The following EVA1C variants were observed in gnomAD, a reference collection of about 807,000 sequenced individuals.
EVA1C encodes protein eva-1 homolog C.
EVA1C carries 25 observed loss-of-function variants against 45.4 expected under a neutral mutation model. The observed-to-expected ratio is 0.55, with a 90% CI of 0.40 to 0.77. The LOEUF (loss-of-function observed/expected upper bound fraction) is 0.77. Ranked by LOEUF, EVA1C falls within the 30% of genes least tolerant of loss-of-function variation. EVA1C has a pLI of 0.00. For synonymous variants in EVA1C, 190 were observed against 221.2 expected, an observed-to-expected ratio of 0.86 and a Z score of 1.25; for missense variants, 479 against 554.8, an observed-to-expected ratio of 0.86 and a Z score of 1.37.
chr21:32,507,945 G>A (rs1220022651), intron 7 of EVA1C, among the ~76,000 whole-genome samples: 1 of 104,720 alleles, frequency 9.5e-6, no homozygotes, highest in South Asian at 3.0e-4. Flanking sequence ...ATCTGTATGT[G>A]TGTTTGTGTG....
chr21:32,433,856 T>C, intron 1 of EVA1C, among the ~76,000 whole-genome samples: 1 of 72,994 alleles, frequency 1.4e-5, no homozygotes, highest in Non-Finnish European at 2.4e-5. Context: ...ATAATGGGTG[T>C]CCTTATGGAA....
chr21:32,496,093 C>T (rs574573088), intron 5 of EVA1C, among the ~76,000 whole-genome samples: 2 of 152,316 alleles, frequency 1.3e-5, no homozygotes, highest in African/African-American at 4.8e-5. Flanking sequence ...AGTTTAAGAA[C>T]ATTCGCATCC....
intron 4 of EVA1C, among the ~76,000 whole-genome samples, chr21:32,485,819 C>G (rs2036954050): frequency 6.6e-6 from 1 of 152,236 alleles, no homozygotes; most frequent in African/African-American, 2.4e-5. Flanking sequence ...CCTTGCCAAG[C>G]CTTCTGCATT....
At chr21:32,482,854 CTTTTT>C (rs774611494) in intron 4 of EVA1C, among the ~76,000 whole-genome samples, 2 of 60,968 alleles carry the variant, frequency 3.3e-5, no homozygotes, top group East Asian at 5.7e-4. Flanking sequence ...GTGTTATTCC[CTTTTT>C]TTTTTTTTTT....
chr21:32,513,555 T>TC (rs2038035560), intron 7 of EVA1C, among the ~76,000 whole-genome samples: 1 of 140,180 alleles, frequency 7.1e-6, no homozygotes, highest in African/African-American at 2.7e-5. Context: ...TCTTTTCTTT[T>TC]TTTTTTTTTT....
intron 7 of EVA1C, among the ~76,000 whole-genome samples, chr21:32,507,980 C>CAT (rs1568956205): frequency 1.1e-4 from 17 of 148,034 alleles, no homozygotes; most frequent in African/African-American, 4.2e-4. Flanking sequence ...TGTGTGCCTG[C>CAT]ATGTGTGTGT....
rs1358842565 is a variant in EVA1C at position 32,514,839 on chromosome 21, G to C, written c.975G>C (p.Leu325=). The change falls in exon 8 of 8, where the codon CTG becomes CTC. Residue 325 remains leucine (L), a synonymous_variant. Transcript: ENST00000300255. Reference sequence around the variant, plus strand: ...CCCACCCGGAGAGAGCTGCCCTGCTGTTCGTGTCCAGTGTCTGCATCGGCC... The same window carrying C: ...CCCACCCGGAGAGAGCTGCCCTGCTCTTCGTGTCCAGTGTCTGCATCGGCC... ...IRAHPERAAL[L]FVSSVCIGLA... The C allele has an allele frequency of 6.3e-7, 1 of 1,589,230 alleles. No homozygotes were observed. The highest frequency in any genetic ancestry group is 1.3e-5 in the African/African-American group (1 of 74,422).
chr21:32,455,210 T>C (rs1404886457), intron 2 of EVA1C, among the ~76,000 whole-genome samples: 1 of 151,974 alleles, frequency 6.6e-6, no homozygotes, highest in Non-Finnish European at 1.5e-5. Context: ...ACGCTGGTAC[T>C]CATGTGGCAG....
At chr21:32,467,969 A>C in intron 4 of EVA1C, 121 bp downstream of exon 4, 1 of 607,350 alleles carries the variant, frequency 1.6e-6, no homozygotes, top group African/African-American at 1.9e-5. Flanking sequence ...TAACACAATC[A>C]CGATCTTGTG....
At chr21:32,461,844 C>T (rs8134064) in intron 3 of EVA1C, among the ~76,000 whole-genome samples, 2 of 152,056 alleles carry the variant, frequency 1.3e-5, no homozygotes, top group Admixed American at 6.5e-5. Flanking sequence ...TAGGTTTCAG[C>T]GAGGCTTGGA....
At chr21:32,423,598 T>C (rs2034374547) in intron 1 of EVA1C, among the ~76,000 whole-genome samples, 1 of 152,028 alleles carries the variant, frequency 6.6e-6, no homozygotes, top group African/African-American at 2.4e-5. Flanking sequence ...TTCACAGACC[T>C]ACTAGATGAC....
intron 1 of EVA1C, among the ~76,000 whole-genome samples, chr21:32,441,710 A>T (rs2035180340): frequency 6.6e-6 from 1 of 152,216 alleles, no homozygotes; most frequent in African/African-American, 2.4e-5. Flanking sequence ...ACATGCAAAT[A>T]TATGGGGGGA....
intron 1 of EVA1C, among the ~76,000 whole-genome samples, chr21:32,419,536 G>A (rs934398683): frequency 3.3e-5 from 5 of 152,144 alleles, no homozygotes; most frequent in Admixed American, 2.0e-4. Context: ...CCAAAATGGT[G>A]AAACCCCATC....
chr21:32,506,340 C>T (rs1346646543), intron 7 of EVA1C, among the ~76,000 whole-genome samples: 1 of 149,744 alleles, frequency 6.7e-6, no homozygotes, highest in African/African-American at 2.5e-5. Context: ...TGAGCTTTTT[C>T]CTGTGCTTTA....
intron 4 of EVA1C, among the ~76,000 whole-genome samples, chr21:32,477,503 G>C (rs932569366): frequency 1.3e-5 from 2 of 152,084 alleles, no homozygotes; most frequent in African/African-American, 4.8e-5. Context: ...GTTGCAGCCC[G>C]GATGGTGGCT....
At chr21:32,428,297 C>T (rs1002836488) in intron 1 of EVA1C, 7 of 152,136 alleles carry the variant, frequency 4.6e-5, no homozygotes, top group African/African-American at 1.2e-4. Context: ...GAGGAATCAC[C>T]GAATGAAAGG....
In EVA1C at chr21:32,412,737, G is replaced by T; in HGVS notation, c.-117G>T. The stretch of plus-strand genomic sequence containing the variant: ...GCTCTGGCAGCCTGGGCAGGGAGGC[G>T]GCGGGGGGCCGCGGAGCCGCTGGCC... On this transcript the variant is annotated 5_prime_UTR_variant, in exon 1 of 8. Coordinates refer to ENST00000300255, the MANE Select transcript of EVA1C (RefSeq NM_058187.5). The T allele has an allele frequency of 9.0e-7, 1 of 1,109,622 alleles. No homozygotes were observed. Among genetic ancestry groups the T allele is most frequent in the Non-Finnish European group, 1.2e-6 (1 of 852,154 alleles). 68.7% of individuals were successfully genotyped at this position (1,109,622 alleles called of 1,614,324 possible).
chr21:32,457,648 A>G lies in EVA1C; in HGVS notation c.409A>G (p.Ser137Gly), dbSNP rs767344637. Residue 137 changes from serine to glycine, a missense_variant, in exon 3 of 8, where the codon AGC (serine) becomes GGC (glycine). Physicochemically the swap from Ser to Gly is moderately conservative, Grantham distance 56. Transcript: ENST00000300255. ...GCGGGCCTGCCACCTCCTGGTCAAT[A>G]GCCGTGTTTTTGGACCTGACCTTTG... ...NQRACHLLVNSRVFGPDLCPG... is the reference protein window; with the variant it reads ...NQRACHLLVNGRVFGPDLCPG... The G allele has an allele frequency of 2.5e-6, 4 of 1,614,004 alleles. No homozygotes were observed. Among genetic ancestry groups the G allele is most frequent in the Admixed American group, 1.7e-5 (1 of 59,994 alleles).
At chr21:32,417,340 T>C (rs535321325) in intron 1 of EVA1C, among the ~76,000 whole-genome samples, 17 of 152,228 alleles carry the variant, frequency 1.1e-4, no homozygotes, top group Non-Finnish European at 2.4e-4. Context: ...GAGGCCTGTC[T>C]CCTTGGCTTG....
Sources: gnomAD v4.1 joint callset for allele counts (sites outside exome capture counted in the v4.1 genomes callset) on GRCh38, gnomAD v4.1.1 for gene constraint, MANE v1.5 for transcripts, NCBI Gene and HGNC (gene_info 2026-07-23, HGNC 2026-07-21) for gene names.